The following EPHB6 variants were observed in gnomAD, a reference collection of about 807,000 sequenced individuals.
EPHB6 encodes the protein EPH receptor B6.
Under a neutral mutation model 107.0 loss-of-function variants are expected in EPHB6, and 51 were observed. The ratio of observed to expected loss-of-function variants is 0.48; its 90% CI spans 0.38 to 0.60. The LOEUF (loss-of-function observed/expected upper bound fraction) is 0.60. EPHB6 is among the 20% of genes least tolerant of loss of function. EPHB6 has a pLI of 0.00. For missense variants in EPHB6, 1,141 were observed against 1,355.5 expected, an observed-to-expected ratio of 0.84 and a Z score of 2.48; for synonymous variants, 553 against 549.0, an observed-to-expected ratio of 1.01 and a Z score of -0.10.
At position 142,868,761 on chromosome 7, in the gene EPHB6, G is replaced by T; in HGVS notation, c.2286+22G>T. On this transcript the variant is annotated intron_variant, in intron 15 of 19. Coordinates refer to ENST00000652003, the MANE Select transcript of EPHB6 (RefSeq NM_004445.6). This position sits in a 1 kb window ranked among gnomAD's most constrained non-coding sequence, Gnocchi z 4.2. ...CAGGGTCAGTCCAGCCTGGGTGAAG[G>T]AGGAGGGTCCTTGGGTCCAGGAAAG... 1.2e-6 allele frequency: 2 copies of T among 1,613,738 alleles called. No homozygotes were observed. Among genetic ancestry groups the T allele is most frequent in the Non-Finnish European group, 1.7e-6 (2 of 1,180,012 alleles).
rs140814956 is a variant in EPHB6, at chr7:142,868,246, G to A, written c.1924G>A (p.Gly642Arg). ...CATACTCCACACCCCTCCAGGACTCGGGGTGAAGTATTACATCGACCCCTC... is the reference window on the plus strand; with the variant it reads ...CATACTCCACACCCCTCCAGGACTCAGGGTGAAGTATTACATCGACCCCTC... Reference protein sequence around the residue: ...QLQQYSSPGLGVKYYIDPSTY... With the variant: ...QLQQYSSPGLRVKYYIDPSTY... Residue 642 changes from glycine to arginine, a missense_variant, in exon 14 of 20, where the codon GGG (glycine) becomes AGG (arginine). This residue lies in a region of EPHB6 where 616 missense variants were observed against 759.3 expected (regional missense o/e 0.81). Coordinates refer to ENST00000652003, the MANE Select transcript of EPHB6 (RefSeq NM_004445.6). The surrounding 1 kb of genome is among the most constrained non-coding windows in gnomAD (Gnocchi z 4.2). 9.3e-6 allele frequency: 15 copies of A among 1,613,960 alleles called. No homozygotes were observed. Among genetic ancestry groups the A allele is most frequent in the Middle Eastern group, 1.6e-4 (1 of 6,084 alleles).
chr7:142,858,529 G>A (rs190882987), intron 1 of EPHB6, among the ~76,000 whole-genome samples: 16 of 146,902 alleles, frequency 1.1e-4, no homozygotes, highest in African/African-American at 3.0e-4. Context: ...TCTGCCTCCC[G>A]GGTTCACGCC....
chr7:142,863,573 G>T (rs1802953873), intron 5 of EPHB6, 58 bp from the exon 6 acceptor site: 1 of 1,581,158 alleles, frequency 6.3e-7, no homozygotes, highest in Non-Finnish European at 8.7e-7. Flanking sequence ...AATAGAGTAG[G>T]GGCTGGCAGT....
chr7:142,869,265 T>C lies in EPHB6; in HGVS notation c.2460+118T>C, dbSNP rs1794780919. On this transcript the variant is annotated intron_variant, in intron 16 of 19. Coordinates refer to ENST00000652003, the MANE Select transcript of EPHB6 (RefSeq NM_004445.6). This position sits in a 1 kb window ranked among gnomAD's most constrained non-coding sequence, Gnocchi z 4.5. ...ACCTCAGCCGGGGTGTCATAGTCCCTGAAAGGAGGGAGGCTCTCCTGTGTG... is the reference window on the plus strand; with the variant it reads ...ACCTCAGCCGGGGTGTCATAGTCCCCGAAAGGAGGGAGGCTCTCCTGTGTG... 5.0e-6 allele frequency: 6 copies of C among 1,188,282 alleles called. No individual in the cohort carries two copies. The highest frequency in any genetic ancestry group is 7.2e-6 in the Non-Finnish European group (6 of 831,848). 73.6% of individuals were successfully genotyped at this position (1,188,282 alleles called of 1,614,324 possible). A position where few individuals can be genotyped will look rare whatever the true frequency, so the allele number is the denominator to read the frequency against.
chr7:142,864,195 AC>A lies in EPHB6; in HGVS notation c.397del (p.Arg133ValfsTer63). ...GTCRETFTLYYRQAEEPDSPD... is the reference protein window; with the variant it reads ...GTCRETFTLYXRQAEEPDSPD... ...TGCCGGGAGACCTTCACCCTTTACTACCGTCAGGCTGAGGAGCCCGACAGCC... is the reference window on the plus strand; with the variant it reads ...TGCCGGGAGACCTTCACCCTTTACTACGTCAGGCTGAGGAGCCCGACAGCC... On this transcript the variant is annotated frameshift_variant, in exon 7 of 20. Coordinates refer to ENST00000652003, the MANE Select transcript of EPHB6 (RefSeq NM_004445.6). LOFTEE classifies it high-confidence loss of function. The A allele has an allele frequency of 1.2e-6, 2 of 1,613,724 alleles. No homozygotes were observed. Among genetic ancestry groups the A allele is most frequent in the Non-Finnish European group, 1.7e-6 (2 of 1,180,012 alleles).
chr7:142,867,031 C>T lies in EPHB6; in HGVS notation c.1713C>T (p.Pro571=). ...CCCGGACTGCTGCCGGCCACGGCCC[C>T]TACGGGGGCAAAGTCTATTTCCAGA... The part of the protein sequence containing the change: ...VRARTAAGHG[P]YGGKVYFQTL... The change falls in exon 11 of 20, where the codon CCC becomes CCT. Residue 571 remains proline, a synonymous_variant. Coordinates refer to ENST00000652003, the MANE Select transcript of EPHB6 (RefSeq NM_004445.6). This position sits in a 1 kb window ranked among gnomAD's most constrained non-coding sequence, Gnocchi z 5.3. The T allele has an allele frequency of 1.2e-6, 2 of 1,614,036 alleles. No individual in the cohort carries two copies. The highest frequency in any genetic ancestry group is 2.2e-5 in the South Asian group (2 of 91,086).
At position 142,863,793 on chromosome 7, in the gene EPHB6, A is replaced by G. The variant is rs941592402; in HGVS notation, c.165+98A>G. 9.3e-6 allele frequency: 14 copies of G among 1,505,938 alleles called. 1 individual carries two copies. In the South Asian group the frequency reaches 1.4e-4, roughly 15 times the overall value. The allele number at this position is 1,505,938 out of a possible 1,614,324, so 93.3% of individuals were successfully genotyped here. A position where few individuals can be genotyped will look rare whatever the true frequency, so the allele number is the denominator to read the frequency against. On this transcript the variant is annotated intron_variant, in intron 6 of 19. Transcript: ENST00000652003. Reference sequence around the variant, plus strand: ...ATGAAGGAAACCCTGGGTGAGGATTATGGGAAAAGGATCCCTCCCTCTAGA... The same window carrying G: ...ATGAAGGAAACCCTGGGTGAGGATTGTGGGAAAAGGATCCCTCCCTCTAGA...
Position 142,868,210 on chromosome 7 carries a change from C to T in EPHB6, c.1919-31C>T. 2 of 1,614,134 alleles carry T rather than the reference C, an allele frequency of 1.2e-6. No individual in the cohort carries two copies. The highest frequency in any genetic ancestry group is 1.7e-6 in the Non-Finnish European group (2 of 1,180,016). On this transcript the variant is annotated intron_variant, in intron 13 of 19. Coordinates refer to ENST00000652003, the MANE Select transcript of EPHB6 (RefSeq NM_004445.6). This position sits in a 1 kb window ranked among gnomAD's most constrained non-coding sequence, Gnocchi z 4.2. The stretch of plus-strand genomic sequence containing the variant: ...GCGCGGGCAGCCCTGCCTTTCACAA[C>T]ACGCTCATAACATACTCCACACCCC...
chr7:142,864,176 G>C lies in EPHB6; in HGVS notation c.376G>C (p.Glu126Gln). The C allele has an allele frequency of 6.2e-7, 1 of 1,613,944 alleles. No homozygotes were observed. The highest frequency in any genetic ancestry group is 8.5e-7 in the Non-Finnish European group (1 of 1,180,042). ...SLGVSGGTCR[E>Q]TFTLYYRQAE... Reference sequence around the variant, plus strand: ...GGGTGTGAGCGGCGGCACCTGCCGGGAGACCTTCACCCTTTACTACCGTCA... The same window carrying C: ...GGGTGTGAGCGGCGGCACCTGCCGGCAGACCTTCACCCTTTACTACCGTCA... The change falls in exon 7 of 20, where the codon GAG becomes CAG. Residue 126 changes from glutamate to glutamine, a missense_variant. This residue lies in a region of EPHB6 where 221 missense variants were observed against 300.5 expected (regional missense o/e 0.74). Transcript: ENST00000652003.
At position 142,867,192 on chromosome 7, in the gene EPHB6, G is replaced by T. The variant is rs1586168975; in HGVS notation, c.1750+124G>T. ...TCCCAACCAGAAGTTCTGTGGGAAA[G>T]GAGAGTGCCTTTTGCTCAGCAGCTG... On this transcript the variant is annotated intron_variant, in intron 11 of 19. Transcript: ENST00000652003. The surrounding 1 kb of genome is among the most constrained non-coding windows in gnomAD (Gnocchi z 5.3). The T allele has an allele frequency of 7.8e-7, 1 of 1,287,690 alleles. No individual in the cohort carries two copies. The highest frequency in any genetic ancestry group is 2.5e-5 in the East Asian group (1 of 40,434). The allele number at this position is 1,287,690 out of a possible 1,614,324, so 79.8% of individuals were successfully genotyped here.
rs745681588 is a variant in EPHB6, at chr7:142,864,082, T to C, written c.282T>C (p.Phe94=). ...AGGACAATTGGTTGCAGACACACTT[T>C]GTGGAGCGGCGCGGGGCCCAGAGGG... The part of the protein sequence containing the change: ...TGQDNWLQTH[F]VERRGAQRAH... The change falls in exon 7 of 20, where the codon TTT becomes TTC. Residue 94 remains phenylalanine, a synonymous_variant. Transcript: ENST00000652003. The C allele has an allele frequency of 5.6e-6, 9 of 1,613,944 alleles. No homozygotes were observed. In the Admixed American group the frequency reaches 1.3e-4, roughly 24 times the overall value.
rs2116449562 is a variant in EPHB6, at chr7:142,866,552, C to A, written c.1534C>A (p.Pro512Thr). The A allele has an allele frequency of 1.2e-6, 2 of 1,614,158 alleles. No homozygotes were observed. Among genetic ancestry groups the A allele is most frequent in the Non-Finnish European group, 8.5e-7 (1 of 1,180,038 alleles). ...SNSITVSWPQ[P>T]DQTNGNILDY... is the part of the protein sequence containing the mutation. ...CAGCATCACGGTGTCCTGGCCGCAG[C>A]CCGACCAGACCAATGGGAACATCCT... is the stretch of plus-strand genomic sequence containing the variant. Residue 512 changes from proline to threonine, a missense_variant, in exon 10 of 20, where the codon CCC becomes ACC. By Grantham distance (38) the Pro-to-Thr change is conservative. Transcript: ENST00000652003. The surrounding 1 kb of genome is among the most constrained non-coding windows in gnomAD (Gnocchi z 5.2).
intron 5 of EPHB6, 117 bp downstream of exon 5, chr7:142,863,444 C>A: frequency 8.3e-7 from 1 of 1,208,844 alleles, no homozygotes; most frequent in Non-Finnish European, 1.2e-6. Flanking sequence ...AAGGGAAAGG[C>A]ATGGTGAGGA....
rs1288704330 is a variant in EPHB6 at position 142,867,595 on chromosome 7, G to A, written c.1751-13G>A. 1.2e-6 allele frequency: 2 copies of A among 1,606,832 alleles called. No individual in the cohort carries two copies. Among genetic ancestry groups the A allele is most frequent in the East Asian group, 2.2e-5 (1 of 44,758 alleles). On this transcript the variant is annotated splice_polypyrimidine_tract_variant and intron_variant, in intron 11 of 19. Transcript: ENST00000652003. This position sits in a 1 kb window ranked among gnomAD's most constrained non-coding sequence, Gnocchi z 5.3. ...ACCTGGCCCACCTGTGACCCTGTCG[G>A]CTGGTCCCCCAGGGGAGCTGTCTTC...
intron 1 of EPHB6, among the ~76,000 whole-genome samples, chr7:142,856,106 G>A (rs768778435): frequency 6.6e-6 from 1 of 152,198 alleles, no homozygotes; most frequent in Non-Finnish European, 1.5e-5. Flanking sequence ...AATGTCCCTG[G>A]CAGCGCCCAT....
At position 142,867,023 on chromosome 7, in the gene EPHB6, C is replaced by T. The variant is rs1586168411; in HGVS notation, c.1705C>T (p.His569Tyr). The T allele has an allele frequency of 6.2e-7, 1 of 1,614,060 alleles. No homozygotes were observed. Among genetic ancestry groups the T allele is most frequent in the South Asian group, 1.1e-5 (1 of 91,078 alleles). The change falls in exon 11 of 20, where the codon CAC (histidine) becomes TAC (tyrosine). Residue 569 changes from histidine (H) to tyrosine (Y), a missense_variant. His to Tyr is a moderately conservative substitution (Grantham distance 83). Transcript: ENST00000652003. The surrounding 1 kb of genome is among the most constrained non-coding windows in gnomAD (Gnocchi z 5.3). ...FQVRARTAAG[H>Y]GPYGGKVYFQ... ...GGTGCGGGCCCGGACTGCTGCCGGC[C>T]ACGGCCCCTACGGGGGCAAAGTCTA...
At position 142,866,435 on chromosome 7, in the gene EPHB6, T is replaced by G; in HGVS notation, c.1463-46T>G. 2 of 1,613,420 alleles carry G rather than the reference T, an allele frequency of 1.2e-6. No individual in the cohort carries two copies. The highest frequency in any genetic ancestry group is 1.6e-4 in the Middle Eastern group (1 of 6,062). ...GCCCTCCCCTCAAGGCTGATCCTGC[T>G]CCCAGGGACTCCTATCCCCATAATA... On this transcript the variant is annotated intron_variant, in intron 9 of 19. Transcript: ENST00000652003. The surrounding 1 kb of genome is among the most constrained non-coding windows in gnomAD (Gnocchi z 5.2).
rs866049970 is a variant in EPHB6 at position 142,855,613 on chromosome 7, C to A, written c.-432+228C>A. Among the ~76,000 whole-genome samples the A allele has an allele frequency of 2.0e-5, 3 of 152,288 alleles. No homozygotes were observed. Among genetic ancestry groups the A allele is most frequent in the African/African-American group, 7.2e-5 (3 of 41,564 alleles). ...CCACTCTGACCTGGCATCATTGACA[C>A]CGCATTACCCTTGCTGTTAGGATCC... On this transcript the variant is annotated intron_variant, in intron 1 of 19. Transcript: ENST00000652003. This position sits in a 1 kb window ranked among gnomAD's most constrained non-coding sequence, Gnocchi z 4.2.
At position 142,866,309 on chromosome 7, in the gene EPHB6, C is replaced by T; in HGVS notation, c.1455C>T (p.Ser485=). 6.2e-7 allele frequency: 1 copy of T among 1,613,944 alleles called. No individual in the cohort carries two copies. The highest frequency in any genetic ancestry group is 1.3e-5 in the African/African-American group (1 of 75,036). Residue 485 remains serine, a synonymous_variant, in exon 9 of 20, where the codon AGC becomes AGT. Coordinates refer to ENST00000652003, the MANE Select transcript of EPHB6 (RefSeq NM_004445.6). The surrounding 1 kb of genome is among the most constrained non-coding windows in gnomAD (Gnocchi z 5.2). ...PQAAAINVST[S]HEVPSAVPVV... is the part of the protein sequence containing the mutation. The stretch of plus-strand genomic sequence containing the variant: ...CTGCAGCCATCAATGTCAGCACCAG[C>T]CATGAAGGTGAGCTCTTTTCCTTGG...
Sources: gnomAD v4.1 joint callset for allele counts (sites outside exome capture counted in the v4.1 genomes callset) on GRCh38, gnomAD v4.1.1 for gene constraint, gnomAD v4.1.1 regional missense constraint, Gnocchi (gnomAD v3.1) non-coding constraint, MANE v1.5 for transcripts, NCBI Gene and HGNC (gene_info 2026-07-23, HGNC 2026-07-21) for gene names.